Variants in SPINK9 observed in about 807,000 individuals in gnomAD.
SPINK9 encodes the protein serine protease inhibitor Kazal-type 9.
In SPINK9, 3 loss-of-function variants were observed where a neutral mutation model predicts 10.8. The observed-to-expected ratio is 0.28, with a 90% CI of 0.13 to 0.72. SPINK9 has a LOEUF of 0.72. Among genes scored for constraint, SPINK9 ranks in the 30% least tolerant of loss-of-function variants. The pLI is 0.74. For synonymous variants in SPINK9, 30 were observed against 31.2 expected (o/e 0.96, Z 0.12); for missense variants, 101 against 103.2 (o/e 0.98, Z 0.09).
At chr5:148,328,898 G>A (rs1290316840) in intron 2 of SPINK9, among the ~76,000 whole-genome samples, 5 of 152,028 alleles carry the variant, frequency 3.3e-5, no homozygotes, top group East Asian at 1.9e-4. Context: ...TGCTGGATTC[G>A]GTTTGCCAGT....
chr5:148,321,838 T>A (rs1467643991), intron 1 of SPINK9, among the ~76,000 whole-genome samples: 3 of 152,184 alleles, frequency 2.0e-5, no homozygotes, highest in African/African-American at 7.2e-5. Flanking sequence ...CAGTAATCAA[T>A]TTGTATGAGT....
At chr5:148,333,584 T>C (rs1222632529), upstream of SPINK9, among the ~76,000 whole-genome samples, 4 of 152,214 alleles carry the variant, frequency 2.6e-5, no homozygotes, top group South Asian at 4.1e-4. Flanking sequence ...TGTCAGGTCA[T>C]TGCCATGGAA....
At chr5:148,339,625 T>C in intron 3 of SPINK9, 42 bp from the exon 4 acceptor site, 1 of 1,570,566 alleles carries the variant, frequency 6.4e-7, no homozygotes, top group South Asian at 1.1e-5. Flanking sequence ...GAAATGCCTA[T>C]GGGCTCAGCA....
At chr5:148,335,809 A>T (rs1367990973) in intron 1 of SPINK9, 141 bp downstream of exon 1, 1 of 907,468 alleles carries the variant, frequency 1.1e-6, no homozygotes, top group Admixed American at 2.2e-5. Flanking sequence ...GCCTCAACCA[A>T]CGAATTGCTA....
upstream of SPINK9, chr5:148,335,546 A>G: frequency 7.0e-6 from 10 of 1,431,412 alleles, no homozygotes; most frequent in Non-Finnish European, 8.8e-6. Flanking sequence ...GGCAGGATCA[A>G]AGTGAGCTGG....
At chr5:148,333,887 T>C (rs1003135890), upstream of SPINK9, among the ~76,000 whole-genome samples, 1 of 152,268 alleles carries the variant, frequency 6.6e-6, no homozygotes, top group Non-Finnish European at 1.5e-5. Flanking sequence ...TGAGTTAGTA[T>C]ACTTATAGCA....
chr5:148,324,023 AC>A (rs1335571851), intron 2 of SPINK9, among the ~76,000 whole-genome samples: 1 of 152,216 alleles, frequency 6.6e-6, no homozygotes, highest in Non-Finnish European at 1.5e-5. Flanking sequence ...ATAATGTCCT[AC>A]AAAAATCTAA....
chr5:148,330,347 C>A (rs967132658), intron 2 of SPINK9, among the ~76,000 whole-genome samples: 1 of 151,606 alleles, frequency 6.6e-6, no homozygotes, highest in East Asian at 1.9e-4. Context: ...TTTTTGTTTT[C>A]CATTTGCTTG....
chr5:148,330,703 G>A (rs1429980778), upstream of SPINK9, among the ~76,000 whole-genome samples: 1 of 152,022 alleles, frequency 6.6e-6, no homozygotes, highest in Non-Finnish European at 1.5e-5. Context: ...CAGGCCTGGT[G>A]GTGACAAAAT....
At chr5:148,331,339 G>T (rs934847638), upstream of SPINK9, among the ~76,000 whole-genome samples, 1 of 152,228 alleles carries the variant, frequency 6.6e-6, no homozygotes, top group African/African-American at 2.4e-5. Context: ...GAAACTAGAA[G>T]ATATTATGCT....
intron 3 of SPINK9, among the ~76,000 whole-genome samples, chr5:148,339,222 G>C (rs768032777): frequency 6.6e-6 from 1 of 151,934 alleles, no homozygotes; most frequent in Non-Finnish European, 1.5e-5. Context: ...ATTAACATTA[G>C]TTCAAAAATT....
intron 1 of SPINK9, 54 bp from the exon 2 acceptor site, chr5:148,336,368 T>C (rs977740762): frequency 6.4e-7 from 1 of 1,569,308 alleles, no homozygotes; most frequent in Non-Finnish European, 8.7e-7. Context: ...CTTTTTCTAG[T>C]AAGATTAGGT....
At chr5:148,331,141 C>T (rs184491172), upstream of SPINK9, among the ~76,000 whole-genome samples, 11 of 152,340 alleles carry the variant, frequency 7.2e-5, no homozygotes, top group East Asian at 2.1e-3. Flanking sequence ...CCCAGTACCT[C>T]AGTTGGAAAT....
intron 2 of SPINK9, among the ~76,000 whole-genome samples, chr5:148,326,016 C>T (rs1259870272): frequency 6.6e-6 from 1 of 152,050 alleles, no homozygotes; most frequent in African/African-American, 2.4e-5. Flanking sequence ...AATCAATTCG[C>T]CATATATCCA....
At chr5:148,339,115 A>C (rs1053673164) in intron 3 of SPINK9, among the ~76,000 whole-genome samples, 3 of 152,182 alleles carry the variant, frequency 2.0e-5, no homozygotes, top group Non-Finnish European at 4.4e-5. Flanking sequence ...ATTATATCTC[A>C]ACAGAATATA....
chr5:148,321,796 C>T (rs1757002902), intron 1 of SPINK9, among the ~76,000 whole-genome samples: 1 of 152,006 alleles, frequency 6.6e-6, no homozygotes, highest in Non-Finnish European at 1.5e-5. Flanking sequence ...GCATTGTTTC[C>T]CAATGAATAA....
intron 2 of SPINK9, among the ~76,000 whole-genome samples, chr5:148,327,487 T>G (rs1331094147): frequency 1.3e-5 from 2 of 152,230 alleles, no homozygotes; most frequent in Admixed American, 1.3e-4. Context: ...TTTCTTTTGC[T>G]GTGCAGAAGC....
intron 2 of SPINK9, among the ~76,000 whole-genome samples, chr5:148,327,430 A>G (rs1181679131): frequency 2.0e-5 from 3 of 152,038 alleles, no homozygotes; most frequent in Non-Finnish European, 2.9e-5. Context: ...AGTAGGTTGC[A>G]AAAATTTTCT....
chr5:148,323,796 C>G (rs1490235320), exon 2 of SPINK9: 5 of 701,278 alleles, frequency 7.1e-6, no homozygotes, highest in Non-Finnish European at 1.3e-5. Context: ...TTATAAAACT[C>G]CACCAAGCAG....
Sources: allele counts gnomAD v4.1 joint callset (sites outside exome capture counted in the v4.1 genomes callset), GRCh38; gene constraint gnomAD v4.1.1; transcripts MANE v1.5; gene names NCBI Gene and HGNC (gene_info 2026-07-23, HGNC 2026-07-21).